The following PLA2G4A variants were observed in gnomAD, a reference collection of about 807,000 sequenced individuals.
PLA2G4A encodes phospholipase A2 group IVA, also known as cytosolic phospholipase A2.
In PLA2G4A, 40 loss-of-function variants were observed where a neutral mutation model predicts 81.9. The observed-to-expected ratio is 0.49, with a 90% confidence interval of 0.38 to 0.64. The LOEUF (loss-of-function observed/expected upper bound fraction) is 0.64, where lower values mean the gene tolerates loss of function less well. PLA2G4A is among the 30% of genes least tolerant of loss of function. PLA2G4A has a pLI of 0.00. For missense variants in PLA2G4A, 715 were observed against 905.1 expected, an observed-to-expected ratio of 0.79 and a Z score of 2.69; for synonymous variants, 302 against 296.9, an observed-to-expected ratio of 1.02 and a Z score of -0.18.
At chr1:186,930,101 A>AAAAG (rs1553216193) in intron 7 of PLA2G4A, among the ~76,000 whole-genome samples, 2 of 152,162 alleles carry the variant, frequency 1.3e-5, no homozygotes, top group African/African-American at 4.8e-5. Flanking sequence ...TCTCAAAAAC[A>AAAAG]AAACAAACAA....
chr1:186,853,015 A>G (rs12070719), intron 1 of PLA2G4A, among the ~76,000 whole-genome samples: 26,615 of 151,862 alleles, frequency 0.18, 2,823 homozygotes, highest in East Asian at 0.52. Context: ...GGAGCTTAAG[A>G]AGTAAGTGAT....
At chr1:186,902,034 CA>C (rs1654557880) in intron 5 of PLA2G4A, among the ~76,000 whole-genome samples, 1 of 152,142 alleles carries the variant, frequency 6.6e-6, no homozygotes, top group Non-Finnish European at 1.5e-5. Context: ...TATGCTTACA[CA>C]AACCTAGATG....
rs12720523 is a variant in PLA2G4A, at chr1:186,881,033, C to A, written c.115+10517C>A. Among the ~76,000 whole-genome samples, 144 of 152,096 alleles carry A rather than the reference C, an allele frequency of 9.5e-4. No homozygotes were observed. The East Asian group carries it at 0.016, about 17-fold the overall frequency. On this transcript the variant is annotated intron_variant, in intron 3 of 17. Transcript: ENST00000367466. ...AAATCATTTTTATTGTATACCAACT[C>A]TCAGTTAGCTATTCATTAATGTACT...
intron 1 of PLA2G4A, among the ~76,000 whole-genome samples, chr1:186,841,254 C>A (rs757292485): frequency 6.6e-6 from 1 of 152,102 alleles, no homozygotes; most frequent in African/African-American, 2.4e-5. Context: ...TCTTTTTGAG[C>A]TTTATTGGAC....
chr1:186,830,945 G>T (rs11810276), intron 1 of PLA2G4A, among the ~76,000 whole-genome samples: 84 of 40,364 alleles, frequency 2.1e-3, no homozygotes, highest in African/African-American at 5.0e-3. Context: ...TAGCTTGCTT[G>T]CTTGCTTGCT....
At chr1:186,916,167 G>A (rs1051644653) in intron 7 of PLA2G4A, among the ~76,000 whole-genome samples, 5 of 14,744 alleles carry the variant, frequency 3.4e-4, no homozygotes, top group South Asian at 3.8e-3. Flanking sequence ...GAGAGCGTTC[G>A]TAAACTTCTC....
At chr1:186,915,966 A>G (rs369117214) in intron 7 of PLA2G4A, among the ~76,000 whole-genome samples, 8 of 152,282 alleles carry the variant, frequency 5.3e-5, no homozygotes, top group East Asian at 3.9e-4. Flanking sequence ...CTGGGTCTAC[A>G]GGTACTAATT....
intron 1 of PLA2G4A, among the ~76,000 whole-genome samples, chr1:186,847,681 G>A (rs1328487663): frequency 1.3e-5 from 2 of 152,106 alleles, no homozygotes. Flanking sequence ...AAATAGTAGA[G>A]ATGTGGGAAG....
chr1:186,980,532 T>G (rs752873839), intron 17 of PLA2G4A, among the ~76,000 whole-genome samples: 1 of 152,164 alleles, frequency 6.6e-6, no homozygotes, highest in Non-Finnish European at 1.5e-5. Flanking sequence ...AGAAATTAAA[T>G]GGAGAAGGAA....
At chr1:186,871,036 T>C (rs1470082071) in intron 3 of PLA2G4A, among the ~76,000 whole-genome samples, 2 of 152,178 alleles carry the variant, frequency 1.3e-5, no homozygotes, top group Non-Finnish European at 2.9e-5. Context: ...TCTAAAAGAA[T>C]ACTGAGTAAA....
intron 7 of PLA2G4A, among the ~76,000 whole-genome samples, chr1:186,929,804 A>G (rs1414452556): frequency 6.6e-6 from 1 of 152,198 alleles, no homozygotes; most frequent in Non-Finnish European, 1.5e-5. Flanking sequence ...GCCCATGCTT[A>G]TAATCCCAGC....
intron 17 of PLA2G4A, among the ~76,000 whole-genome samples, chr1:186,983,409 T>C (rs904299481): frequency 6.6e-5 from 10 of 152,322 alleles, no homozygotes; most frequent in African/African-American, 2.2e-4. Context: ...TAGGGCAACG[T>C]TTCCTCTTCA....
At chr1:186,972,529 T>C (rs1657393691) in intron 15 of PLA2G4A, among the ~76,000 whole-genome samples, 1 of 152,204 alleles carries the variant, frequency 6.6e-6, no homozygotes, top group Non-Finnish European at 1.5e-5. Context: ...GAAATTATTT[T>C]CCCCTTTATC....
At position 186,925,186 on chromosome 1, in the gene PLA2G4A, G is replaced by T. The variant is rs188909233; in HGVS notation, c.559-7577G>T. Reference sequence around the variant, plus strand: ...GACCTAAATATCTACAAACTTACTTGATTTCTTTACGTGTATTCCTGCCAG... The same window carrying T: ...GACCTAAATATCTACAAACTTACTTTATTTCTTTACGTGTATTCCTGCCAG... On this transcript the variant is annotated intron_variant, in intron 7 of 17. Transcript: ENST00000367466. 5.4e-3 allele frequency among the ~76,000 whole-genome samples: 829 copies of T among 152,178 alleles called. 6 individuals carry two copies. Among genetic ancestry groups the T allele is most frequent in the Non-Finnish European group, 7.4e-3 (506 of 68,006 alleles).
At chr1:186,942,645 GA>G (rs1284428067) in intron 10 of PLA2G4A, among the ~76,000 whole-genome samples, 2 of 151,676 alleles carry the variant, frequency 1.3e-5, no homozygotes, top group African/African-American at 4.8e-5. Flanking sequence ...ATTTTATTCT[GA>G]ATTTTTAGTC....
intron 7 of PLA2G4A, among the ~76,000 whole-genome samples, chr1:186,926,595 G>T (rs559595238): frequency 4.6e-4 from 70 of 152,314 alleles, no homozygotes; most frequent in African/African-American, 1.6e-3. Context: ...CTTAATGTAT[G>T]GAAGAGTGGG....
chr1:186,887,018 AG>A (rs1299090226), intron 3 of PLA2G4A, among the ~76,000 whole-genome samples: 2 of 152,154 alleles, frequency 1.3e-5, no homozygotes, highest in Non-Finnish European at 2.9e-5. Context: ...GAAGGTGCTA[AG>A]GTTCTGCATT....
intron 3 of PLA2G4A, among the ~76,000 whole-genome samples, chr1:186,879,459 G>A (rs902942384): frequency 6.6e-6 from 1 of 151,940 alleles, no homozygotes; most frequent in Non-Finnish European, 1.5e-5. Flanking sequence ...ACTTTATGGA[G>A]TGTGTAATTT....
At chr1:186,918,697 T>C (rs1655234634) in intron 7 of PLA2G4A, among the ~76,000 whole-genome samples, 1 of 152,242 alleles carries the variant, frequency 6.6e-6, no homozygotes, top group Admixed American at 6.5e-5. Flanking sequence ...TACACAGTTA[T>C]GCTCGCCCGG....
Sources: allele counts gnomAD v4.1 joint callset (sites outside exome capture counted in the v4.1 genomes callset), GRCh38; gene constraint gnomAD v4.1.1; transcripts MANE v1.5; gene names NCBI Gene and HGNC (gene_info 2026-07-23, HGNC 2026-07-21).